PPRC1: variants seen among roughly 807,000 people sequenced by gnomAD.
PPRC1 encodes peroxisome proliferator-activated receptor gamma coactivator-related protein 1.
Under a neutral mutation model 132.5 loss-of-function variants are expected in PPRC1, and 23 were observed. That is an observed-to-expected ratio of 0.17 (90% CI 0.12 to 0.25). The LOEUF (loss-of-function observed/expected upper bound fraction) is 0.25, where lower values mean the gene tolerates loss of function less well. Ranked by LOEUF, PPRC1 falls within the 10% of genes least tolerant of loss-of-function variation. The pLI is 1.00. For missense variants in PPRC1, 2,006 were observed against 2,089.1 expected (o/e 0.96, Z 0.78); for synonymous variants, 872 against 833.5 (o/e 1.05, Z -0.80).
intron 5 of PPRC1, among the ~76,000 whole-genome samples, chr10:102,142,416 TTTTTTTTTTTTTTTTTTTTTG>T (rs2069032374): frequency 9.8e-6 from 1 of 102,452 alleles, no homozygotes; most frequent in Admixed American, 1.1e-4. Flanking sequence ...TTTTTTTTTT[TTTTTTTTTTTTTTTTTTTTTG>T]AGATGGAGTC....
Position 102,146,848 on chromosome 10 carries a change from C to T in PPRC1, c.3856C>T (p.Pro1286Ser), listed in dbSNP as rs2069267320. 1 of 1,613,948 alleles carries T rather than the reference C, an allele frequency of 6.2e-7. No homozygotes were observed. The highest frequency in any genetic ancestry group is 1.1e-5 in the South Asian group (1 of 91,084). ...TCGCCTCCAAGAAGGGGTCCATGGC[C>T]CTAGTCGAGTCCATGTGGGCTCTGG... ...AVRLQEGVHGPSRVHVGSGDH... is the reference protein window; with the variant it reads ...AVRLQEGVHGSSRVHVGSGDH... The change falls in exon 9 of 14, where the codon CCT becomes TCT. Residue 1286 changes from proline (P) to serine (S), a missense_variant. By Grantham distance (74) the Pro-to-Ser change is moderately conservative. Around this residue, in one of 2 missense-constraint regions of PPRC1, gnomAD observed 1,914 missense variants for 1,917.2 expected, o/e 1.00. Transcript: ENST00000278070.
the PPRC1 span, chr10:102,120,231 CCCGGCCTCGGCCCGGT>C: frequency 8.7e-5 from 86 of 983,810 alleles, no homozygotes; most frequent in Non-Finnish European, 1.0e-4. Context: ...GCCGGCCCGG[CCCGGCCTCGGCCCGGT>C]GCGGGCGGCC....
rs1186321590 is a variant in PPRC1, at chr10:102,139,347, G to T, written c.839G>T (p.Cys280Phe). 1 of 1,614,216 alleles carries T rather than the reference G, an allele frequency of 6.2e-7. No individual in the cohort carries two copies. The highest frequency in any genetic ancestry group is 8.5e-7 in the Non-Finnish European group (1 of 1,180,036). The change falls in exon 5 of 14, where the codon TGC (cysteine) becomes TTC (phenylalanine). Residue 280 changes from cysteine (C) to phenylalanine (F), a missense_variant. This residue lies in a region of PPRC1 where 1,914 missense variants were observed against 1,917.2 expected (regional missense o/e 1.00). Coordinates refer to ENST00000278070, the MANE Select transcript of PPRC1 (RefSeq NM_015062.5). ...CCGGACTTCCCCATGCATTTGGCCT[G>T]CCCTGAGGAGGAAGATAAAGCAACA... Reference protein sequence around the residue: ...SIPDFPMHLACPEEEDKATAA... With the variant: ...SIPDFPMHLAFPEEEDKATAA...
chr10:102,148,435 CTCTTCG>C lies in PPRC1; in HGVS notation c.4470_4475del (p.Ser1498_Ser1499del), dbSNP rs750817991. 3.1e-6 allele frequency: 5 copies of C among 1,611,400 alleles called. No individual in the cohort carries two copies. The highest frequency in any genetic ancestry group is 3.3e-5 in the Admixed American group (2 of 60,014). On this transcript the variant is annotated inframe_deletion, in exon 10 of 14. Coordinates refer to ENST00000278070, the MANE Select transcript of PPRC1 (RefSeq NM_015062.5). The surrounding 1 kb of genome is among the most constrained non-coding windows in gnomAD (Gnocchi z 4.2). ...CTTCCTCTTCTTCGTCATCATCTTC[CTCTTCG>C]TCTTCCTCATCCTCATCATCCAGTT...
Position 102,140,459 on chromosome 10 carries a change from G to C in PPRC1, c.1951G>C (p.Asp651His), listed in dbSNP as rs761960907. ...TGACCCTGCAGTGGTTCCCATCTCAGATAACTTGCCACCAGTTGATGCTGT... is the reference window on the plus strand; with the variant it reads ...TGACCCTGCAGTGGTTCCCATCTCACATAACTTGCCACCAGTTGATGCTGT... ...AVDPAVVPISDNLPPVDAVPS... is the reference protein window; with the variant it reads ...AVDPAVVPISHNLPPVDAVPS... Residue 651 changes from aspartate to histidine, a missense_variant, in exon 5 of 14, where the codon GAT becomes CAT. Coordinates refer to ENST00000278070, the MANE Select transcript of PPRC1 (RefSeq NM_015062.5). The C allele has an allele frequency of 5.0e-6, 8 of 1,614,046 alleles. No individual in the cohort carries two copies. The highest frequency in any genetic ancestry group is 6.8e-6 in the Non-Finnish European group (8 of 1,180,036).
At chr10:102,135,759 A>G (rs991984025) in intron 1 of PPRC1, among the ~76,000 whole-genome samples, 2 of 152,218 alleles carry the variant, frequency 1.3e-5, no homozygotes, top group Non-Finnish European at 2.9e-5. Flanking sequence ...GGTCTCAGGC[A>G]GTGATCAGAT....
At chr10:102,137,772 A>AG in intron 1 of PPRC1, 78 bp from the exon 2 acceptor site, 1 of 1,400,054 alleles carries the variant, frequency 7.1e-7, no homozygotes, top group Non-Finnish European at 9.7e-7. Flanking sequence ...CCAGCAGTGG[A>AG]GGGTACCTGA....
chr10:102,124,523 T>C, the PPRC1 span, among the ~76,000 whole-genome samples: 2 of 150,782 alleles, frequency 1.3e-5, no homozygotes, highest in African/African-American at 4.9e-5. Flanking sequence ...ACCACCACAC[T>C]TGGCTAATTT....
intron 8 of PPRC1, 56 bp downstream of exon 8, chr10:102,145,146 G>T: frequency 6.7e-7 from 1 of 1,494,030 alleles, no homozygotes. Flanking sequence ...AACACTTGCT[G>T]AGCCTACTCC....
chr10:102,123,496 CTGTA>C, the PPRC1 span, among the ~76,000 whole-genome samples: 2 of 152,174 alleles, frequency 1.3e-5, no homozygotes, highest in South Asian at 4.1e-4. Context: ...CTCTCTCCCT[CTGTA>C]TGTGTGTGGT....
chr10:102,141,661 G>A lies in PPRC1; in HGVS notation c.3153G>A (p.Glu1051=), dbSNP rs200793249. The A allele has an allele frequency of 2.4e-5, 38 of 1,614,100 alleles. No individual in the cohort carries two copies. The East Asian group carries it at 8.2e-4, about 35-fold the overall frequency. Residue 1051 remains glutamate, a synonymous_variant, in exon 5 of 14, where the codon GAG becomes GAA. Transcript: ENST00000278070. ...CTGGCCATGGAGCTCCTCAGACAGA[G>A]CCTACCAAGGTGGAGGTCAAGCCAG... is the stretch of plus-strand genomic sequence containing the variant. ...GLPGHGAPQT[E]PTKVEVKPVP...
rs750108971 is a variant in PPRC1 at position 102,140,605 on chromosome 10, A to G, written c.2097A>G (p.Ser699=). The change falls in exon 5 of 14, where the codon TCA becomes TCG. Residue 699 remains serine (S), a synonymous_variant. Coordinates refer to ENST00000278070, the MANE Select transcript of PPRC1 (RefSeq NM_015062.5). ...RPTDPRRGAV[S]SALGGSAPQL... The stretch of plus-strand genomic sequence containing the variant: ...CTGATCCCAGACGTGGTGCAGTGTC[A>G]TCAGCCCTGGGGGGTTCAGCACCCC... 14 of 1,613,990 alleles carry G rather than the reference A, an allele frequency of 8.7e-6. No homozygotes were observed. The highest frequency in any genetic ancestry group is 3.4e-6 in the Non-Finnish European group (4 of 1,180,026).
chr10:102,149,873 C>T (rs2069435900), intron 13 of PPRC1, 53 bp from the exon 14 acceptor site: 1 of 1,379,904 alleles, frequency 7.2e-7, no homozygotes, highest in Non-Finnish European at 1.0e-6. Context: ...TTTGCAGACC[C>T]TGTGGTTGGG....
chr10:102,124,071 C>CT, the PPRC1 span, among the ~76,000 whole-genome samples: 75 of 140,732 alleles, frequency 5.3e-4, no homozygotes, highest in Admixed American at 8.5e-4. Context: ...AAACTTTATT[C>CT]TTTTTTTTTT....
At chr10:102,129,382 T>C (rs1043784009), upstream of PPRC1, among the ~76,000 whole-genome samples, 1 of 152,158 alleles carries the variant, frequency 6.6e-6, no homozygotes, top group Admixed American at 6.6e-5. Flanking sequence ...ACTTAAGGAC[T>C]AGTAGTCACA....
the PPRC1 span, among the ~76,000 whole-genome samples, chr10:102,121,182 G>T: frequency 1.3e-5 from 2 of 152,092 alleles, no homozygotes; most frequent in African/African-American, 4.8e-5. Flanking sequence ...TTGGATTACG[G>T]AGGGGCGATA....
At chr10:102,131,919 A>G (rs1317234254), upstream of PPRC1, among the ~76,000 whole-genome samples, 1 of 152,204 alleles carries the variant, frequency 6.6e-6, no homozygotes, top group African/African-American at 2.4e-5. Flanking sequence ...CAGCCTCCCA[A>G]AGTGCTGGGA....
At chr10:102,134,646 G>A (rs1349456255) in intron 1 of PPRC1, among the ~76,000 whole-genome samples, 2 of 152,140 alleles carry the variant, frequency 1.3e-5, no homozygotes, top group African/African-American at 4.8e-5. Flanking sequence ...ATTTGGGAGC[G>A]CTGATCCCTT....
chr10:102,126,967 C>G, the PPRC1 span, among the ~76,000 whole-genome samples: 2 of 145,182 alleles, frequency 1.4e-5, no homozygotes, highest in Admixed American at 1.4e-4. Context: ...AAGGCACCAT[C>G]CTTGGATGAA....
Sources: allele counts gnomAD v4.1 joint callset (sites outside exome capture counted in the v4.1 genomes callset), GRCh38; gene constraint gnomAD v4.1.1; regional missense constraint gnomAD v4.1.1; non-coding constraint Gnocchi (gnomAD v3.1); transcripts MANE v1.5; gene names NCBI Gene and HGNC (gene_info 2026-07-23, HGNC 2026-07-21).